NRG1: variants seen among roughly 807,000 people sequenced by gnomAD.
The protein encoded by NRG1 is pro-neuregulin-1, membrane-bound isoform.
NRG1 carries 18 observed loss-of-function variants against 63.8 expected under a neutral mutation model. The observed-to-expected ratio is 0.28, with a 90% CI of 0.19 to 0.42. The LOEUF (loss-of-function observed/expected upper bound fraction) is 0.42, where lower values mean the gene tolerates loss of function less well. NRG1 is among the 10% of genes least tolerant of loss of function. The probability of loss-of-function intolerance (pLI) is 1.00; values close to 1 mark genes in which losing one functional copy is unlikely to be tolerated. For missense variants in NRG1, 762 were observed against 814.7 expected, an observed-to-expected ratio of 0.94 and a Z score of 0.79; for synonymous variants, 302 against 301.3, an observed-to-expected ratio of 1.00 and a Z score of -0.02.
At chr8:32,196,009 C>A (rs1842913429) in intron 1 of NRG1, among the ~76,000 whole-genome samples, 1 of 152,036 alleles carries the variant, frequency 6.6e-6, no homozygotes, top group Non-Finnish European at 1.5e-5. Context: ...AAAGTACAGG[C>A]ACTAACATAG....
At chr8:32,473,286 A>G (rs1824076066) in intron 1 of NRG1, among the ~76,000 whole-genome samples, 1 of 152,216 alleles carries the variant, frequency 6.6e-6, no homozygotes. Context: ...AATTTGCCTT[A>G]GTGCACAGTG....
Position 32,072,351 on chromosome 8 carries a change from C to T in NRG1, c.37+432920C>T, listed in dbSNP as rs568701591. On this transcript the variant is annotated intron_variant, in intron 1 of 10. Transcript: ENST00000519301. ...TGTTCCCTTTTGGGCCTCTATCTTT[C>T]ATTTCCTCTGGGGAAATAAAGTTAT... Among the ~76,000 whole-genome samples, 18 of 150,538 alleles carry T rather than the reference C, an allele frequency of 1.2e-4. 1 individual carries two copies. The East Asian group carries it at 3.3e-3, about 28-fold the overall frequency.
At chr8:32,131,358 C>T (rs894659431) in intron 1 of NRG1, among the ~76,000 whole-genome samples, 2 of 151,974 alleles carry the variant, frequency 1.3e-5, no homozygotes, top group Admixed American at 6.6e-5. Flanking sequence ...GCATGTTCTG[C>T]TCATACTAAA....
intron 1 of NRG1, among the ~76,000 whole-genome samples, chr8:32,028,646 AGTT>A (rs1817820424): frequency 1.3e-5 from 2 of 152,188 alleles, no homozygotes; most frequent in African/African-American, 4.8e-5. Context: ...GGGTTGGTGA[AGTT>A]GAAGTTTTGG....
chr8:31,952,758 A>G (rs1246128786), intron 1 of NRG1, among the ~76,000 whole-genome samples: 1 of 152,238 alleles, frequency 6.6e-6, no homozygotes, highest in Non-Finnish European at 1.5e-5. Context: ...CACTTGACCC[A>G]GACCGCAAAA....
chr8:31,844,905 A>G (rs1826537497), intron 1 of NRG1, among the ~76,000 whole-genome samples: 1 of 152,030 alleles, frequency 6.6e-6, no homozygotes, highest in Non-Finnish European at 1.5e-5. Context: ...TCAGAAGTTC[A>G]AGACCAGCCT....
chr8:32,380,235 C>A (rs1810173171), intron 1 of NRG1, among the ~76,000 whole-genome samples: 1 of 152,096 alleles, frequency 6.6e-6, no homozygotes, highest in African/African-American at 2.4e-5. Context: ...ATCTATAACA[C>A]CATATATCCT....
chr8:31,805,767 G>T (rs985744686), intron 1 of NRG1, among the ~76,000 whole-genome samples: 24 of 145,344 alleles, frequency 1.7e-4, no homozygotes, highest in South Asian at 1.3e-3. Context: ...GGCGGAGCTT[G>T]CAGTGAGCCG....
chr8:31,712,255 C>CTTTGTT (rs1811841492), intron 1 of NRG1, among the ~76,000 whole-genome samples: 1 of 72,354 alleles, frequency 1.4e-5, no homozygotes, highest in Admixed American at 1.9e-4. Context: ...TCTTCATGAT[C>CTTTGTT]TTTTTTTTTT....
intron 1 of NRG1, among the ~76,000 whole-genome samples, chr8:32,223,771 A>G (rs1010793339): frequency 6.6e-6 from 1 of 152,160 alleles, no homozygotes; most frequent in African/African-American, 2.4e-5. Context: ...AAAGAGCTTA[A>G]TGAAGTTAGA....
intron 1 of NRG1, among the ~76,000 whole-genome samples, chr8:31,881,269 T>A (rs988472339): frequency 2.0e-5 from 3 of 152,186 alleles, no homozygotes; most frequent in African/African-American, 7.2e-5. Flanking sequence ...TCTGAAATAT[T>A]TCAAAAGTTA....
At chr8:31,743,978 A>G (rs1002027316) in intron 1 of NRG1, among the ~76,000 whole-genome samples, 1 of 152,034 alleles carries the variant, frequency 6.6e-6, no homozygotes, top group Non-Finnish European at 1.5e-5. Context: ...TATCCTCACA[A>G]TGTGAACATG....
intron 1 of NRG1, among the ~76,000 whole-genome samples, chr8:32,341,834 A>G (rs979438199): frequency 5.9e-5 from 9 of 152,222 alleles, no homozygotes; most frequent in Non-Finnish European, 1.3e-4. Context: ...TAATTACAAA[A>G]TATTTTTGAA....
chr8:32,317,807 G>A (rs952554699), intron 1 of NRG1, among the ~76,000 whole-genome samples: 1 of 152,176 alleles, frequency 6.6e-6, no homozygotes, highest in South Asian at 2.1e-4. Flanking sequence ...TTGTTATATA[G>A]CTGGGCAGAG....
chr8:32,446,554 C>T (rs1820266981), intron 1 of NRG1, among the ~76,000 whole-genome samples: 1 of 151,970 alleles, frequency 6.6e-6, no homozygotes, highest in African/African-American at 2.4e-5. Context: ...ACTCAGGAAG[C>T]TAAGGCACAA....
intron 1 of NRG1, among the ~76,000 whole-genome samples, chr8:31,995,019 A>G (rs1031319487): frequency 1.3e-5 from 2 of 152,028 alleles, no homozygotes; most frequent in African/African-American, 4.8e-5. Context: ...TGTCAAAGCA[A>G]CAGATTCTCT....
chr8:32,024,928 TAA>T (rs1411811186), intron 1 of NRG1, among the ~76,000 whole-genome samples: 1 of 152,160 alleles, frequency 6.6e-6, no homozygotes, highest in African/African-American at 2.4e-5. Flanking sequence ...CCTGATTATA[TAA>T]AAAAGATATA....
chr8:31,788,965 T>A (rs1306212297), intron 1 of NRG1, among the ~76,000 whole-genome samples: 1 of 152,216 alleles, frequency 6.6e-6, no homozygotes. Context: ...TATTTTATGA[T>A]GTTTTAGAGA....
chr8:32,041,287 A>T (rs1156280563), intron 1 of NRG1, among the ~76,000 whole-genome samples: 1 of 152,194 alleles, frequency 6.6e-6, no homozygotes, highest in Non-Finnish European at 1.5e-5. Flanking sequence ...TACATTTATT[A>T]TGGTATTTAC....
Sources: gnomAD v4.1 joint callset for allele counts (sites outside exome capture counted in the v4.1 genomes callset) on GRCh38, gnomAD v4.1.1 for gene constraint, MANE v1.5 for transcripts, NCBI Gene and HGNC (gene_info 2026-07-23, HGNC 2026-07-21) for gene names.